Variants in BRINP1 observed in about 807,000 individuals in gnomAD.
BRINP1 encodes BMP/retinoic acid-inducible neural-specific protein 1.
Under a neutral mutation model 72.9 loss-of-function variants are expected in BRINP1, and 17 were observed. The ratio of observed to expected loss-of-function variants is 0.23; its 90% CI spans 0.16 to 0.35. The LOEUF (loss-of-function observed/expected upper bound fraction) is 0.35. Among genes scored for constraint, BRINP1 ranks in the 10% least tolerant of loss-of-function variants. BRINP1 has a pLI of 1.00. For synonymous variants in BRINP1, 418 were observed against 378.5 expected, an observed-to-expected ratio of 1.10 and a Z score of -1.21; for missense variants, 850 against 1,001.6, an observed-to-expected ratio of 0.85 and a Z score of 2.04.
intron 7 of BRINP1, among the ~76,000 whole-genome samples, chr9:119,187,601 C>T (rs780849348): frequency 2.0e-5 from 3 of 151,616 alleles, no homozygotes; most frequent in African/African-American, 4.9e-5. Context: ...AAATTATAAT[C>T]GGTGATTGTC....
chr9:119,247,967 G>T (rs1397216694), intron 3 of BRINP1, among the ~76,000 whole-genome samples: 1 of 152,116 alleles, frequency 6.6e-6, no homozygotes, highest in East Asian at 1.9e-4. Flanking sequence ...TATGAATCGG[G>T]TCTTCCTACA....
intron 3 of BRINP1, among the ~76,000 whole-genome samples, chr9:119,248,592 A>G (rs1224840032): frequency 6.6e-6 from 1 of 152,240 alleles, no homozygotes; most frequent in African/African-American, 2.4e-5. Context: ...TCTAAAGTAG[A>G]CTTAAATAAA....
At position 119,334,830 on chromosome 9, in the gene BRINP1, C is replaced by T. The variant is rs139751630; in HGVS notation, c.-50-21425G>A. ...GAGAGAATCATGCTCAATCTTGGCTCGCCTTGGATGAGGGGACATTGTGCC... is the reference window on the plus strand; with the variant it reads ...GAGAGAATCATGCTCAATCTTGGCTTGCCTTGGATGAGGGGACATTGTGCC... On this transcript the variant is annotated intron_variant, in intron 1 of 7. Coordinates refer to ENST00000265922, the MANE Select transcript of BRINP1 (RefSeq NM_014618.3). Among the ~76,000 whole-genome samples the T allele has an allele frequency of 1.9e-4, 29 of 152,066 alleles. No homozygotes were observed. In the East Asian group the frequency reaches 3.5e-3, roughly 18 times the overall value.
intron 2 of BRINP1, among the ~76,000 whole-genome samples, chr9:119,272,741 C>T (rs540175117): frequency 4.6e-5 from 7 of 152,210 alleles, no homozygotes; most frequent in Non-Finnish European, 1.0e-4. Flanking sequence ...GCTGGTCAAA[C>T]TGGCCCCAGC....
chr9:119,341,784 G>A (rs1587966809), intron 1 of BRINP1, among the ~76,000 whole-genome samples: 1 of 151,988 alleles, frequency 6.6e-6, no homozygotes, highest in Middle Eastern at 3.2e-3. Context: ...TTATTATTGA[G>A]ACGGAGTCTC....
At chr9:119,224,967 A>T (rs538694715) in intron 5 of BRINP1, among the ~76,000 whole-genome samples, 33 of 152,144 alleles carry the variant, frequency 2.2e-4, no homozygotes, top group East Asian at 1.9e-3. Context: ...CACAAAATAC[A>T]CTTATTTTTA....
chr9:119,254,637 A>G (rs1485242725), intron 2 of BRINP1, among the ~76,000 whole-genome samples: 1 of 152,238 alleles, frequency 6.6e-6, no homozygotes, highest in Non-Finnish European at 1.5e-5. Context: ...AAGAAAAGTC[A>G]AAAGAAGGTG....
At position 119,208,749 on chromosome 9, in the gene BRINP1, T is replaced by C. The variant is rs768408111; in HGVS notation, c.1115A>G (p.His372Arg). The change falls in exon 7 of 8, where the codon CAC becomes CGC. Residue 372 changes from histidine to arginine, a missense_variant. Physicochemically the swap from His to Arg is conservative, Grantham distance 29. Transcript: ENST00000265922. The stretch of plus-strand genomic sequence containing the variant: ...TCTAGGCAGCTGGTGGTTGGGATTG[T>C]GGCGACAGCGTACACTGAGGCCGAA... ...KLFGLSVRCR[H>R]NPNHQLPRER... is the part of the protein sequence containing the mutation. The C allele has an allele frequency of 1.2e-6, 2 of 1,613,416 alleles. No individual in the cohort carries two copies. Among genetic ancestry groups the C allele is most frequent in the South Asian group, 1.1e-5 (1 of 91,054 alleles).
chr9:119,302,079 C>T (rs1830944671), intron 2 of BRINP1, among the ~76,000 whole-genome samples: 2 of 152,174 alleles, frequency 1.3e-5, no homozygotes, highest in African/African-American at 4.8e-5. Context: ...ACAGCAAACT[C>T]ACAGGTGCAC....
intron 7 of BRINP1, among the ~76,000 whole-genome samples, chr9:119,195,066 A>T (rs1381000918): frequency 6.6e-6 from 1 of 152,166 alleles, no homozygotes; most frequent in Non-Finnish European, 1.5e-5. Context: ...TGATTTCATA[A>T]TATTAGGTCA....
chr9:119,182,572 A>G (rs1409996188), intron 7 of BRINP1, among the ~76,000 whole-genome samples: 1 of 152,230 alleles, frequency 6.6e-6, no homozygotes, highest in Admixed American at 6.5e-5. Context: ...TAGTGGAATT[A>G]GTGTTCTCAT....
intron 5 of BRINP1, among the ~76,000 whole-genome samples, chr9:119,233,972 T>G (rs974772249): frequency 4.6e-5 from 7 of 152,152 alleles, no homozygotes; most frequent in African/African-American, 1.7e-4. Context: ...TATGAAACAG[T>G]GGTTTATTCT....
chr9:119,308,093 T>C (rs1035493480), intron 2 of BRINP1, among the ~76,000 whole-genome samples: 1 of 152,240 alleles, frequency 6.6e-6, no homozygotes, highest in African/African-American at 2.4e-5. Context: ...AAGATTTCAA[T>C]ATTAGCAATT....
chr9:119,224,785 C>T (rs1214443288), intron 5 of BRINP1, among the ~76,000 whole-genome samples: 1 of 152,028 alleles, frequency 6.6e-6, no homozygotes, highest in Admixed American at 6.6e-5. Flanking sequence ...TGTCATGTAC[C>T]ATGTCTCTCA....
intron 5 of BRINP1, among the ~76,000 whole-genome samples, chr9:119,230,309 A>G (rs1333680877): frequency 6.6e-6 from 1 of 152,038 alleles, no homozygotes; most frequent in Non-Finnish European, 1.5e-5. Context: ...GTATACCAAA[A>G]CTTTCACGGA....
chr9:119,187,250 G>C (rs977404214), intron 7 of BRINP1, among the ~76,000 whole-genome samples: 2 of 151,830 alleles, frequency 1.3e-5, no homozygotes, highest in Admixed American at 6.6e-5. Context: ...CTGGAAAACA[G>C]TGCCACTATG....
chr9:119,340,544 G>A (rs1831396088), intron 1 of BRINP1, among the ~76,000 whole-genome samples: 1 of 152,132 alleles, frequency 6.6e-6, no homozygotes, highest in Admixed American at 6.5e-5. Flanking sequence ...TATCATAACT[G>A]CTGAAAAAGG....
At chr9:119,207,224 G>A (rs1406394093) in intron 7 of BRINP1, among the ~76,000 whole-genome samples, 1 of 152,190 alleles carries the variant, frequency 6.6e-6, no homozygotes, top group South Asian at 2.1e-4. Flanking sequence ...AGAGAAAAAA[G>A]GGTGCACCTC....
chr9:119,292,998 T>C (rs981406755), intron 2 of BRINP1, among the ~76,000 whole-genome samples: 1 of 152,192 alleles, frequency 6.6e-6, no homozygotes, highest in Admixed American at 6.5e-5. Context: ...ATGGCTACTA[T>C]ATATCGGGCA....
Sources: allele counts gnomAD v4.1 joint callset (sites outside exome capture counted in the v4.1 genomes callset), GRCh38; gene constraint gnomAD v4.1.1; transcripts MANE v1.5; gene names NCBI Gene and HGNC (gene_info 2026-07-23, HGNC 2026-07-21).